KCNT2: variants seen among roughly 807,000 people sequenced by gnomAD.
KCNT2 encodes the protein potassium channel subfamily T member 2.
KCNT2 carries 67 observed loss-of-function variants against 153.8 expected under a neutral mutation model. The observed-to-expected ratio is 0.44, with a 90% CI of 0.36 to 0.53. KCNT2 has a LOEUF of 0.53. Ranked by LOEUF, KCNT2 falls within the 20% of genes least tolerant of loss-of-function variation. The pLI, the probability that KCNT2 is intolerant of heterozygous loss-of-function variation, is 0.00. For synonymous variants in KCNT2, 500 were observed against 458.8 expected (o/e 1.09, Z -1.15); for missense variants, 975 against 1,354.8 (o/e 0.72, Z 4.40).
intron 1 of KCNT2, among the ~76,000 whole-genome samples, chr1:196,520,659 C>T (rs1370368424): frequency 2.0e-5 from 3 of 152,264 alleles, no homozygotes; most frequent in African/African-American, 7.2e-5. Flanking sequence ...CTACAACCAT[C>T]TGATCTTTGA....
chr1:196,299,254 T>A (rs1660957964), intron 22 of KCNT2, among the ~76,000 whole-genome samples: 4 of 152,112 alleles, frequency 2.6e-5, no homozygotes, highest in Admixed American at 1.3e-4. Flanking sequence ...GTTACACCTG[T>A]TACACCTACT....
chr1:196,456,639 G>A (rs1016170477), intron 8 of KCNT2, among the ~76,000 whole-genome samples: 2 of 151,864 alleles, frequency 1.3e-5, no homozygotes, highest in African/African-American at 2.4e-5. Context: ...AGTAATAGAT[G>A]CAATTAAATT....
chr1:196,264,720 C>A (rs573229071), intron 25 of KCNT2, among the ~76,000 whole-genome samples: 29 of 152,278 alleles, frequency 1.9e-4, no homozygotes, highest in African/African-American at 6.7e-4. Flanking sequence ...GCAACCTCCA[C>A]CTCCCAGCTC....
chr1:196,392,060 C>T (rs1021809970), intron 13 of KCNT2, among the ~76,000 whole-genome samples: 2 of 151,100 alleles, frequency 1.3e-5, no homozygotes, highest in Admixed American at 1.3e-4. Flanking sequence ...GCAGAATTTC[C>T]TTATGCTTAA....
intron 1 of KCNT2, among the ~76,000 whole-genome samples, chr1:196,591,066 A>T (rs1309149588): frequency 2.6e-5 from 4 of 152,054 alleles, no homozygotes; most frequent in Non-Finnish European, 5.9e-5. Flanking sequence ...AAAAAGAGAG[A>T]TAGAGAATGA....
At chr1:196,392,346 TA>T (rs991293895) in intron 13 of KCNT2, among the ~76,000 whole-genome samples, 3 of 150,864 alleles carry the variant, frequency 2.0e-5, no homozygotes, top group East Asian at 3.9e-4. Flanking sequence ...TCCACGATAA[TA>T]AAAAAAATCA....
rs188388292 is a variant in KCNT2 at position 196,308,663 on chromosome 1, G to C, written c.2484-3318C>G. ...TTAGTTTATAGATGAGGAAACTGAGGACCAAAGAGACAAAATAGTATGTTC... is the reference window on the plus strand; with the variant it reads ...TTAGTTTATAGATGAGGAAACTGAGCACCAAAGAGACAAAATAGTATGTTC... On this transcript the variant is annotated intron_variant, in intron 21 of 27. Transcript: ENST00000294725. Among the ~76,000 whole-genome samples the C allele has an allele frequency of 3.1e-3, 468 of 152,022 alleles. 1 individual carries two copies. The highest frequency in any genetic ancestry group is 4.9e-3 in the Non-Finnish European group (332 of 67,944).
rs1665690295 is a variant in KCNT2, at chr1:196,342,103, T to C, written c.1529A>G (p.Tyr510Cys). ...CTTTTTGTGTGCATGGAAAGAGGCATATGTAAAACTCTTTCCTTCATATTC... is the reference window on the plus strand; with the variant it reads ...CTTTTTGTGTGCATGGAAAGAGGCACATGTAAAACTCTTTCCTTCATATTC... ...FAEYEGKSFT[Y>C]ASFHAHKKFG... The change falls in exon 15 of 28, where the codon TAT (tyrosine) becomes TGT (cysteine). Residue 510 changes from tyrosine (Y) to cysteine (C), a missense_variant. Physicochemically the swap from Tyr to Cys is radical, Grantham distance 194. This residue lies in a region of KCNT2 where 325 missense variants were observed against 388.1 expected (regional missense o/e 0.84). Coordinates refer to ENST00000294725, the MANE Select transcript of KCNT2 (RefSeq NM_198503.5). 17 of 1,607,502 alleles carry C rather than the reference T, an allele frequency of 1.1e-5. No homozygotes were observed. The highest frequency in any genetic ancestry group is 1.4e-5 in the Non-Finnish European group (16 of 1,176,930).
chr1:196,473,670 T>C (rs1407411611), intron 5 of KCNT2, among the ~76,000 whole-genome samples: 1 of 152,182 alleles, frequency 6.6e-6, no homozygotes, highest in East Asian at 1.9e-4. Context: ...TTTCAGGTTG[T>C]CTTCTAAACT....
chr1:196,275,871 C>G (rs1658519831), intron 25 of KCNT2, among the ~76,000 whole-genome samples: 1 of 151,910 alleles, frequency 6.6e-6, no homozygotes, highest in Non-Finnish European at 1.5e-5. Context: ...CTGATATCAC[C>G]ACATTATGCC....
intron 1 of KCNT2, among the ~76,000 whole-genome samples, chr1:196,548,077 AATG>A (rs1426341748): frequency 3.3e-5 from 5 of 151,918 alleles, no homozygotes; most frequent in Admixed American, 3.3e-4. Context: ...ATAAGCATAA[AATG>A]ATGATGTGAG....
intron 1 of KCNT2, among the ~76,000 whole-genome samples, chr1:196,526,056 T>A (rs972316634): frequency 6.7e-6 from 1 of 148,912 alleles, no homozygotes; most frequent in Non-Finnish European, 1.5e-5. Context: ...TGTGTGTGTG[T>A]GAATCAGCAC....
intron 8 of KCNT2, among the ~76,000 whole-genome samples, chr1:196,431,474 G>A (rs891371936): frequency 6.6e-6 from 1 of 152,068 alleles, no homozygotes; most frequent in Non-Finnish European, 1.5e-5. Context: ...GTCATGACCA[G>A]AATATTGGGG....
intron 14 of KCNT2, among the ~76,000 whole-genome samples, chr1:196,355,438 C>G (rs555269900): frequency 2.6e-5 from 4 of 151,468 alleles, no homozygotes; most frequent in Non-Finnish European, 5.9e-5. Flanking sequence ...AAATGGCCAT[C>G]AAAAGTGGAG....
intron 8 of KCNT2, among the ~76,000 whole-genome samples, chr1:196,436,599 A>C (rs1674678507): frequency 6.6e-6 from 1 of 151,382 alleles, no homozygotes; most frequent in Non-Finnish European, 1.5e-5. Context: ...TAATATAGTT[A>C]TCTTGTTTCA....
intron 8 of KCNT2, among the ~76,000 whole-genome samples, chr1:196,440,147 T>G (rs1675099772): frequency 6.6e-6 from 1 of 152,026 alleles, no homozygotes. Flanking sequence ...TCTTTTTATT[T>G]GTTTAATATT....
intron 25 of KCNT2, among the ~76,000 whole-genome samples, chr1:196,277,859 G>C (rs527599859): frequency 1.3e-5 from 2 of 151,680 alleles, no homozygotes; most frequent in Admixed American, 1.3e-4. Context: ...AAAAAATAAT[G>C]TTTTATTCTT....
At position 196,227,469 on chromosome 1, in the gene KCNT2, A is replaced by C. The variant is rs572856024; in HGVS notation, c.*755T>G. The C allele has an allele frequency of 1.2e-4, 19 of 152,198 alleles. No individual in the cohort carries two copies. Among genetic ancestry groups the C allele is most frequent in the Admixed American group, 8.5e-4 (13 of 15,286 alleles). The allele number at this position is 152,198 out of a possible 1,614,324, so 9.4% of individuals were successfully genotyped here. A position where few individuals can be genotyped will look rare whatever the true frequency, so the allele number is the denominator to read the frequency against. ...ATTAAGTATTTTCTCTATGCTAGGC[A>C]TTCGTTTAGGAGAATAATAGATATT... On this transcript the variant is annotated 3_prime_UTR_variant, in exon 28 of 28. Coordinates refer to ENST00000294725, the MANE Select transcript of KCNT2 (RefSeq NM_198503.5).
intron 1 of KCNT2, among the ~76,000 whole-genome samples, chr1:196,496,405 T>A (rs1482126101): frequency 6.6e-6 from 1 of 150,936 alleles, no homozygotes; most frequent in Non-Finnish European, 1.5e-5. Flanking sequence ...GAGGCAGAGG[T>A]TGCAGTGAGC....
Sources: gnomAD v4.1 joint callset for allele counts (sites outside exome capture counted in the v4.1 genomes callset) on GRCh38, gnomAD v4.1.1 for gene constraint, gnomAD v4.1.1 regional missense constraint, MANE v1.5 for transcripts, NCBI Gene and HGNC (gene_info 2026-07-23, HGNC 2026-07-21) for gene names.